Variants in PRKAA2 observed in about 807,000 individuals in gnomAD.
PRKAA2 encodes the protein protein kinase AMP-activated catalytic subunit alpha 2.
In PRKAA2, 40 loss-of-function variants were observed where a neutral mutation model predicts 56.3. That is an observed-to-expected ratio of 0.71 (90% CI 0.55 to 0.92). The LOEUF (loss-of-function observed/expected upper bound fraction) is 0.92. PRKAA2 is among the 40% of genes least tolerant of loss of function. The probability of loss-of-function intolerance (pLI) is 0.00; values close to 1 mark genes in which losing one functional copy is unlikely to be tolerated. For synonymous variants in PRKAA2, 214 were observed against 234.2 expected, an observed-to-expected ratio of 0.91 and a Z score of 0.79; for missense variants, 542 against 686.9, an observed-to-expected ratio of 0.79 and a Z score of 2.36.
intron 1 of PRKAA2, among the ~76,000 whole-genome samples, chr1:56,645,909 C>G (rs915454319): frequency 6.6e-6 from 1 of 152,162 alleles, no homozygotes; most frequent in Non-Finnish European, 1.5e-5. Context: ...GGCGCCGTTT[C>G]GTGCCGGGTG....
At chr1:56,665,130 G>C (rs1644026153) in intron 1 of PRKAA2, among the ~76,000 whole-genome samples, 1 of 148,616 alleles carries the variant, frequency 6.7e-6, no homozygotes, top group Non-Finnish European at 1.5e-5. Flanking sequence ...CCAGAGTACA[G>C]TGGCACTGTC....
chr1:56,664,479 G>A (rs988678430), intron 1 of PRKAA2, among the ~76,000 whole-genome samples: 1 of 151,462 alleles, frequency 6.6e-6, no homozygotes, highest in African/African-American at 2.4e-5. Flanking sequence ...TGTTGTTTCT[G>A]GTCTAATATT....
chr1:56,663,294 G>A (rs1307926633), intron 1 of PRKAA2, among the ~76,000 whole-genome samples: 1 of 152,080 alleles, frequency 6.6e-6, no homozygotes, highest in Non-Finnish European at 1.5e-5. Context: ...TTGCTATGTT[G>A]CCAGGCTGGT....
At chr1:56,674,016 CAGA>C (rs1644096014) in intron 1 of PRKAA2, among the ~76,000 whole-genome samples, 1 of 152,156 alleles carries the variant, frequency 6.6e-6, no homozygotes, top group South Asian at 2.1e-4. Context: ...TGGCATTAAA[CAGA>C]AGAAGAGAAA....
chr1:56,673,778 G>A (rs1042547965), intron 1 of PRKAA2, among the ~76,000 whole-genome samples: 4 of 152,160 alleles, frequency 2.6e-5, no homozygotes, highest in African/African-American at 9.7e-5. Flanking sequence ...TCATGTGATT[G>A]TCACAAATGC....
At chr1:56,651,689 A>G (rs1643900249) in intron 1 of PRKAA2, among the ~76,000 whole-genome samples, 1 of 152,186 alleles carries the variant, frequency 6.6e-6, no homozygotes, top group East Asian at 1.9e-4. Flanking sequence ...AATGCCATAT[A>G]TAGATGATTA....
rs1470676968 is a variant in PRKAA2 at position 56,707,877 on chromosome 1, C to T, written c.*164C>T. 1.5e-6 allele frequency: 1 copy of T among 670,276 alleles called. No homozygotes were observed. The highest frequency in any genetic ancestry group is 2.5e-6 in the Non-Finnish European group (1 of 400,350). 41.5% of individuals were successfully genotyped at this position (670,276 alleles called of 1,614,324 possible). A position where few individuals can be genotyped will look rare whatever the true frequency, so the allele number is the denominator to read the frequency against. On this transcript the variant is annotated 3_prime_UTR_variant, in exon 9 of 9. Transcript: ENST00000371244. ...AAATTACTGAAAACAAAATATCTGACATCTTATTTACTTGTAGAAATCTGT... is the reference window on the plus strand; with the variant it reads ...AAATTACTGAAAACAAAATATCTGATATCTTATTTACTTGTAGAAATCTGT...
intron 1 of PRKAA2, among the ~76,000 whole-genome samples, chr1:56,669,372 T>A (rs1644058952): frequency 6.6e-6 from 1 of 151,654 alleles, no homozygotes; most frequent in African/African-American, 2.4e-5. Flanking sequence ...GGCAGGAGAA[T>A]CACTTGAACC....
chr1:56,693,764 G>A lies in PRKAA2; in HGVS notation c.476-1G>A. The A allele has an allele frequency of 1.3e-6, 2 of 1,553,798 alleles. No homozygotes were observed. Among genetic ancestry groups the A allele is most frequent in the South Asian group, 1.2e-5 (1 of 83,212 alleles). ...CAAGTAAACATTACTTTTATTTTTA[G>A]GATTATCTAATATGATGTCAGATGG... On this transcript the variant is annotated splice_acceptor_variant, in intron 4 of 8. Transcript: ENST00000371244. LOFTEE classifies it high-confidence loss of function.
chr1:56,658,503 G>A (rs1400421040), intron 1 of PRKAA2, among the ~76,000 whole-genome samples: 2 of 151,836 alleles, frequency 1.3e-5, no homozygotes, highest in Non-Finnish European at 2.9e-5. Context: ...CTCCAACGGT[G>A]TTAAAGAGTC....
chr1:56,677,683 G>T (rs1484455076), intron 2 of PRKAA2, among the ~76,000 whole-genome samples: 1 of 143,188 alleles, frequency 7.0e-6, no homozygotes, highest in African/African-American at 2.6e-5. Context: ...TTTTAACAGA[G>T]CCTAGCTCTG....
chr1:56,663,619 C>T lies in PRKAA2; in HGVS notation c.95-10762C>T, dbSNP rs75042068. On this transcript the variant is annotated intron_variant, in intron 1 of 8. Coordinates refer to ENST00000371244, the MANE Select transcript of PRKAA2 (RefSeq NM_006252.4). Reference sequence around the variant, plus strand: ...GATCTGAGTGCAACAGTTTTGACACCCATTGAGTGGAATGTTTGCTCAACT... The same window carrying T: ...GATCTGAGTGCAACAGTTTTGACACTCATTGAGTGGAATGTTTGCTCAACT... 9.2e-3 allele frequency among the ~76,000 whole-genome samples: 1,402 copies of T among 152,286 alleles called. 26 individuals are homozygous for T. The highest frequency in any genetic ancestry group is 0.032 in the African/African-American group (1,315 of 41,568).
chr1:56,663,649 C>T (rs530972588), intron 1 of PRKAA2, among the ~76,000 whole-genome samples: 12 of 152,332 alleles, frequency 7.9e-5, no homozygotes, highest in African/African-American at 2.6e-4. Context: ...TCAACTTTAA[C>T]TTTTTAGGCA....
Position 56,709,778 on chromosome 1 carries a change from A to G in PRKAA2, c.*2065A>G, listed in dbSNP as rs1644357491. The G allele has an allele frequency of 6.6e-6, 1 of 152,206 alleles. No homozygotes were observed. The allele number at this position is 152,206 out of a possible 1,614,324, so 9.4% of individuals were successfully genotyped here. On this transcript the variant is annotated 3_prime_UTR_variant, in exon 9 of 9. Coordinates refer to ENST00000371244, the MANE Select transcript of PRKAA2 (RefSeq NM_006252.4). ...GCTCCATTAGTCTAATAGGTCAGATATTAAAAAATTGTTCATATCAAAATT... is the reference window on the plus strand; with the variant it reads ...GCTCCATTAGTCTAATAGGTCAGATGTTAAAAAATTGTTCATATCAAAATT...
chr1:56,675,013 TA>T (rs1194664175), intron 2 of PRKAA2, among the ~76,000 whole-genome samples: 2 of 152,116 alleles, frequency 1.3e-5, no homozygotes, highest in African/African-American at 4.8e-5. Flanking sequence ...ACTATAACCA[TA>T]AAGCTTTTAG....
intron 1 of PRKAA2, among the ~76,000 whole-genome samples, chr1:56,664,891 CAT>C (rs1553147712): frequency 0.046 from 5,303 of 114,106 alleles, 132 homozygotes; most frequent in African/African-American, 0.098. Context: ...CACACACACA[CAT>C]ATATACATAC....
chr1:56,684,945 C>G (rs1043367147), intron 2 of PRKAA2, among the ~76,000 whole-genome samples: 5 of 152,092 alleles, frequency 3.3e-5, no homozygotes, highest in African/African-American at 1.2e-4. Flanking sequence ...GGAATTGATA[C>G]AAAAGAAAGA....
rs537950342 is a variant in PRKAA2 at position 56,648,288 on chromosome 1, G to C, written c.94+2807G>C. Reference sequence around the variant, plus strand: ...TGCCTGTATAAATTTGCTTTTTCTAGGCTCTTCTTCATAAACGTGATCGTT... The same window carrying C: ...TGCCTGTATAAATTTGCTTTTTCTACGCTCTTCTTCATAAACGTGATCGTT... On this transcript the variant is annotated intron_variant, in intron 1 of 8. Transcript: ENST00000371244. Among the ~76,000 whole-genome samples the C allele has an allele frequency of 7.2e-5, 11 of 152,204 alleles. No homozygotes were observed. The South Asian group carries it at 2.3e-3, about 32-fold the overall frequency.
At chr1:56,660,896 G>A (rs1230696888) in intron 1 of PRKAA2, among the ~76,000 whole-genome samples, 1 of 152,150 alleles carries the variant, frequency 6.6e-6, no homozygotes, top group Non-Finnish European at 1.5e-5. Flanking sequence ...TTCCTTGTGA[G>A]AACCATCCTT....
Sources: gnomAD v4.1 joint callset for allele counts (sites outside exome capture counted in the v4.1 genomes callset) on GRCh38, gnomAD v4.1.1 for gene constraint, MANE v1.5 for transcripts, NCBI Gene and HGNC (gene_info 2026-07-23, HGNC 2026-07-21) for gene names.